BUB3: variants seen among roughly 807,000 people sequenced by gnomAD.
The protein encoded by BUB3 is mitotic checkpoint protein BUB3.
Under a neutral mutation model 39.9 loss-of-function variants are expected in BUB3, and 22 were observed. The observed-to-expected ratio is 0.55, with a 90% CI of 0.39 to 0.79. The LOEUF is 0.79. Among genes scored for constraint, BUB3 ranks in the 30% least tolerant of loss-of-function variants. The probability of loss-of-function intolerance (pLI) is 0.00; values close to 1 mark genes in which losing one functional copy is unlikely to be tolerated. For synonymous variants in BUB3, 168 were observed against 155.1 expected (o/e 1.08, Z -0.62); for missense variants, 303 against 415.4 (o/e 0.73, Z 2.35).
chr10:123,158,749 A>T (rs1007205345), intron 4 of BUB3, among the ~76,000 whole-genome samples: 2 of 152,250 alleles, frequency 1.3e-5, no homozygotes, highest in Non-Finnish European at 2.9e-5. Flanking sequence ...GGTTGTATGT[A>T]ACATGTTAAG....
At position 123,156,780 on chromosome 10, in the gene BUB3, T is replaced by G. The variant is rs377300276; in HGVS notation, c.266-949T>G. On this transcript the variant is annotated intron_variant, in intron 3 of 7. Transcript: ENST00000368865. ...TTTTTTTTTTGAGCTAGAGTCTCAC[T>G]CTGTTGACCAGGCTGGAGTGCAGTG... Among the ~76,000 whole-genome samples the G allele has an allele frequency of 2.6e-4, 37 of 144,530 alleles. No homozygotes were observed. The East Asian group carries it at 7.3e-3, about 28-fold the overall frequency. The allele number at this position is 144,530 out of a possible 152,430, so 94.8% of individuals were successfully genotyped here.
In BUB3 at chr10:123,163,950, A is replaced by G; in HGVS notation, c.*115A>G. The G allele has an allele frequency of 7.5e-7, 1 of 1,341,682 alleles. No homozygotes were observed. Among genetic ancestry groups the G allele is most frequent in the Non-Finnish European group, 9.7e-7 (1 of 1,028,680 alleles). 83.1% of individuals were successfully genotyped at this position (1,341,682 alleles called of 1,614,324 possible). A position where few individuals can be genotyped will look rare whatever the true frequency, so the allele number is the denominator to read the frequency against. ...GGAAAATATTAATTTTAATATTATA[A>G]CAACCTGAAAATAATGGAAAAGAGG... is the stretch of plus-strand genomic sequence containing the variant. On this transcript the variant is annotated 3_prime_UTR_variant, in exon 8 of 8. Coordinates refer to ENST00000368865, the MANE Select transcript of BUB3 (RefSeq NM_004725.4).
Position 123,164,159 on chromosome 10 carries a change from A to C in BUB3, c.*324A>C. 1 of 1,046,782 alleles carries C rather than the reference A, an allele frequency of 9.6e-7. No individual in the cohort carries two copies. The highest frequency in any genetic ancestry group is 1.1e-6 in the Non-Finnish European group (1 of 871,182). 64.8% of individuals were successfully genotyped at this position (1,046,782 alleles called of 1,614,324 possible). On this transcript the variant is annotated 3_prime_UTR_variant, in exon 8 of 8. Transcript: ENST00000368865. The stretch of plus-strand genomic sequence containing the variant: ...GAAATAAATGTTTGTAAATAAGTGT[A>C]ATAAAAATCCCTTTGCATTCTTTCT...
In BUB3 at chr10:123,169,103, A is replaced by C. The variant is rs1432560442; in HGVS notation, c.*5268A>C. On this transcript the variant is annotated 3_prime_UTR_variant, in exon 8 of 8. Transcript: ENST00000368865. ...CAGGTATCATGTGGGCAGGTGCTCC[A>C]TGTGGCTGGTGATAGTTGTGAGTGA... The C allele has an allele frequency of 1.3e-5, 2 of 152,278 alleles. No homozygotes were observed. Among genetic ancestry groups the C allele is most frequent in the African/African-American group, 2.4e-5 (1 of 41,468 alleles). The allele number at this position is 152,278 out of a possible 1,614,324, so 9.4% of individuals were successfully genotyped here.
chr10:123,156,542 A>G (rs1035796079), intron 3 of BUB3, among the ~76,000 whole-genome samples: 2 of 152,196 alleles, frequency 1.3e-5, no homozygotes, highest in African/African-American at 4.8e-5. Context: ...TCTGTAACTT[A>G]TACTGCAGGT....
chr10:123,159,257 T>A (rs1199475626), intron 4 of BUB3, among the ~76,000 whole-genome samples: 1 of 152,220 alleles, frequency 6.6e-6, no homozygotes, highest in African/African-American at 2.4e-5. Context: ...GGACATGGCG[T>A]TGTTAAAGCT....
rs540238275 is a variant in BUB3, at chr10:123,155,013, C to A, written c.96C>A (p.Val32=). 5.6e-5 allele frequency: 91 copies of A among 1,614,080 alleles called. No individual in the cohort carries two copies. Among genetic ancestry groups the A allele is most frequent in the Non-Finnish European group, 7.4e-5 (87 of 1,180,036 alleles). Residue 32 remains valine, a synonymous_variant, in exon 2 of 8, where the codon GTC becomes GTA. Coordinates refer to ENST00000368865, the MANE Select transcript of BUB3 (RefSeq NM_004725.4). The part of the protein sequence containing the change: ...FSPNTSQFLL[V]SSWDTSVRLY... ...CCAACACCTCCCAGTTCCTGCTTGT[C>A]TCCTCCTGGGACACGTCCGTGCGTC...
In BUB3 at chr10:123,169,558, A is replaced by G. The variant is rs1023268669; in HGVS notation, c.*5723A>G. On this transcript the variant is annotated 3_prime_UTR_variant, in exon 8 of 8. Coordinates refer to ENST00000368865, the MANE Select transcript of BUB3 (RefSeq NM_004725.4). ...GTTTGGTGACTGCTTGAAGTCTAAG[A>G]TCACCAAAGTGGCTAATGCAGGCAC... 1 of 152,232 alleles carries G rather than the reference A, an allele frequency of 6.6e-6. No individual in the cohort carries two copies. The highest frequency in any genetic ancestry group is 1.5e-5 in the Non-Finnish European group (1 of 68,048). The allele number at this position is 152,232 out of a possible 1,614,324, so 9.4% of individuals were successfully genotyped here.
intron 5 of BUB3, among the ~76,000 whole-genome samples, chr10:123,161,911 G>A (rs1024000284): frequency 2.6e-5 from 4 of 152,072 alleles, no homozygotes; most frequent in African/African-American, 9.7e-5. Context: ...TTAACTGAGG[G>A]AACAAATTTG....
At chr10:123,157,195 T>TAATG (rs1844361288) in intron 3 of BUB3, among the ~76,000 whole-genome samples, 1 of 152,228 alleles carries the variant, frequency 6.6e-6, no homozygotes, top group Non-Finnish European at 1.5e-5. Flanking sequence ...CCAAGTGCAG[T>TAATG]AATGAGAGGA....
Position 123,162,351 on chromosome 10 carries a change from T to C in BUB3, c.692T>C (p.Ile231Thr), listed in dbSNP as rs1189719144. Reference sequence around the variant, plus strand: ...TGTCACAGACTAAAAGAAAATAATATTGAGCAGATTTACCCAGTCAATGCC... The same window carrying C: ...TGTCACAGACTAAAAGAAAATAATACTGAGCAGATTTACCCAGTCAATGCC... ...FKCHRLKENN[I>T]EQIYPVNAIS... Residue 231 changes from isoleucine to threonine, a missense_variant, in exon 6 of 8, where the codon ATT (isoleucine) becomes ACT (threonine). Physicochemically the swap from Ile to Thr is moderately conservative, Grantham distance 89 (BLOSUM62 -1). Transcript: ENST00000368865. The C allele has an allele frequency of 6.2e-7, 1 of 1,614,104 alleles. No homozygotes were observed.
chr10:123,154,923 C>G lies in BUB3; in HGVS notation c.6C>G (p.Thr2=). The change falls in exon 2 of 8, where the codon ACC becomes ACG. Residue 2 remains threonine, a synonymous_variant. Coordinates refer to ENST00000368865, the MANE Select transcript of BUB3 (RefSeq NM_004725.4). ...TCTGGGCGCCTGTTCTGCAGATGAC[C>G]GGTTCTAACGAGTTCAAGCTGAACC... M[T]GSNEFKLNQP... 6 of 1,612,468 alleles carry G rather than the reference C, an allele frequency of 3.7e-6. No homozygotes were observed. The highest frequency in any genetic ancestry group is 5.1e-6 in the Non-Finnish European group (6 of 1,179,226).
At chr10:123,159,266 C>G (rs2133567719) in intron 4 of BUB3, among the ~76,000 whole-genome samples, 1 of 152,262 alleles carries the variant, frequency 6.6e-6, no homozygotes, top group Middle Eastern at 3.4e-3. Context: ...GTTGTTAAAG[C>G]TAACTTGGTT....
intron 4 of BUB3, among the ~76,000 whole-genome samples, chr10:123,159,937 T>C (rs1417673655): frequency 6.6e-6 from 1 of 152,196 alleles, no homozygotes; most frequent in African/African-American, 2.4e-5. Context: ...AGTTGCAAAA[T>C]GAAATATTCT....
chr10:123,156,684 T>C (rs1184505080), intron 3 of BUB3, among the ~76,000 whole-genome samples: 1 of 152,124 alleles, frequency 6.6e-6, no homozygotes. Context: ...CAGTGTTACA[T>C]AGAGAATTAG....
intron 4 of BUB3, among the ~76,000 whole-genome samples, 193 bp downstream of exon 4, chr10:123,158,073 T>G (rs1844372753): frequency 6.6e-6 from 1 of 152,264 alleles, no homozygotes; most frequent in Admixed American, 6.5e-5. Context: ...TTTGGGATTT[T>G]GGGCCAACTT....
At position 123,167,533 on chromosome 10, in the gene BUB3, G is replaced by C. The variant is rs983232408; in HGVS notation, c.*3698G>C. ...AGGACCACATCTTTTTGTATGCTCT[G>C]GCACATGACTGTTGGACCACTTTGA... On this transcript the variant is annotated 3_prime_UTR_variant, in exon 8 of 8. Coordinates refer to ENST00000368865, the MANE Select transcript of BUB3 (RefSeq NM_004725.4). 1 of 152,076 alleles carries C rather than the reference G, an allele frequency of 6.6e-6. No individual in the cohort carries two copies. The highest frequency in any genetic ancestry group is 1.5e-5 in the Non-Finnish European group (1 of 68,022). The allele number at this position is 152,076 out of a possible 1,614,324, so 9.4% of individuals were successfully genotyped here. A position where few individuals can be genotyped will look rare whatever the true frequency, so the allele number is the denominator to read the frequency against.
Position 123,162,298 on chromosome 10 carries a change from G to C in BUB3, c.639G>C (p.Glu213Asp). The C allele has an allele frequency of 1.2e-6, 2 of 1,614,002 alleles. No homozygotes were observed. The highest frequency in any genetic ancestry group is 8.5e-7 in the Non-Finnish European group (1 of 1,179,992). Reference protein sequence around the residue: ...VAVEYLDPSPEVQKKKYAFKC... With the variant: ...VAVEYLDPSPDVQKKKYAFKC... Reference sequence around the variant, plus strand: ...TTGAGTATTTGGACCCAAGCCCTGAGGTACAGAAGAAGAAGTATGCCTTCA... The same window carrying C: ...TTGAGTATTTGGACCCAAGCCCTGACGTACAGAAGAAGAAGTATGCCTTCA... Residue 213 changes from glutamate to aspartate, a missense_variant, in exon 6 of 8, where the codon GAG becomes GAC. Transcript: ENST00000368865.
Position 123,162,780 on chromosome 10 carries a change from A to C in BUB3, c.923A>C (p.Glu308Ala), listed in dbSNP as rs1456188197. The C allele has an allele frequency of 6.2e-7, 1 of 1,613,876 alleles. No individual in the cohort carries two copies. Among genetic ancestry groups the C allele is most frequent in the East Asian group, 2.2e-5 (1 of 44,894 alleles). ...GAAATGGATGACACAGAACATCCTG[A>C]AGATGGTATCTTCATTCGCCAAGTG... ...MYEMDDTEHP[E>A]DGIFIRQVTD... is the part of the protein sequence containing the mutation. Residue 308 changes from glutamate (E) to alanine (A), a missense_variant, in exon 7 of 8, where the codon GAA becomes GCA. Physicochemically the swap from Glu to Ala is moderately radical, Grantham distance 107. Coordinates refer to ENST00000368865, the MANE Select transcript of BUB3 (RefSeq NM_004725.4).
Sources: allele counts gnomAD v4.1 joint callset (sites outside exome capture counted in the v4.1 genomes callset), GRCh38; gene constraint gnomAD v4.1.1; transcripts MANE v1.5; gene names NCBI Gene and HGNC (gene_info 2026-07-23, HGNC 2026-07-21).